Variants in RIMS2 observed in about 807,000 individuals in gnomAD.
The protein encoded by RIMS2 is regulating synaptic membrane exocytosis 2, also known as regulating synaptic membrane exocytosis protein 2.
Under a neutral mutation model 174.4 loss-of-function variants are expected in RIMS2, and 59 were observed. The observed-to-expected ratio is 0.34, with a 90% CI of 0.27 to 0.42. The LOEUF (loss-of-function observed/expected upper bound fraction) is 0.42. Among genes scored for constraint, RIMS2 ranks in the 10% least tolerant of loss-of-function variants. The pLI is 1.00. For missense variants in RIMS2, 1,620 were observed against 1,666.3 expected, an observed-to-expected ratio of 0.97 and a Z score of 0.48; for synonymous variants, 606 against 572.5, an observed-to-expected ratio of 1.06 and a Z score of -0.84.
chr8:104,212,295 T>C (rs1260497753), intron 19 of RIMS2, among the ~76,000 whole-genome samples: 3 of 152,020 alleles, frequency 2.0e-5, no homozygotes, highest in African/African-American at 7.3e-5. Context: ...AAGTTGAACA[T>C]GAAGGATATG....
intron 19 of RIMS2, among the ~76,000 whole-genome samples, chr8:104,210,353 A>C (rs2099099850): frequency 6.6e-6 from 1 of 152,206 alleles, no homozygotes; most frequent in Non-Finnish European, 1.5e-5. Context: ...CATCACTGAA[A>C]ATTGTTCAAG....
chr8:103,781,302 T>C (rs1002307125), intron 3 of RIMS2, among the ~76,000 whole-genome samples: 1 of 152,198 alleles, frequency 6.6e-6, no homozygotes, highest in African/African-American at 2.4e-5. Context: ...TTTGTGGCCC[T>C]GAGAACTGTC....
At chr8:103,712,244 T>G (rs1206691570) in intron 2 of RIMS2, among the ~76,000 whole-genome samples, 1 of 150,524 alleles carries the variant, frequency 6.6e-6, no homozygotes, top group African/African-American at 2.5e-5. Context: ...ACCCCTGGGC[T>G]CGAACAGTCC....
chr8:104,180,364 T>G (rs1022274986), intron 19 of RIMS2, among the ~76,000 whole-genome samples: 5 of 151,246 alleles, frequency 3.3e-5, no homozygotes, highest in Non-Finnish European at 7.4e-5. Context: ...TAGTGAGGTT[T>G]TTTTTTTTTT....
chr8:103,549,452 C>G (rs761251250), intron 1 of RIMS2, among the ~76,000 whole-genome samples: 3 of 152,136 alleles, frequency 2.0e-5, no homozygotes, highest in Admixed American at 6.6e-5. Flanking sequence ...GCCTACCTTA[C>G]AAGAGCTCCT....
At chr8:103,975,494 C>G in exon 16 of RIMS2, 1 of 1,612,640 alleles carries the variant, frequency 6.2e-7, no homozygotes, top group Non-Finnish European at 8.5e-7. Flanking sequence ...CCCAGTGTCC[C>G]TCCTCCACAA....
chr8:104,184,716 A>G (rs1156828554), intron 19 of RIMS2, among the ~76,000 whole-genome samples: 1 of 151,552 alleles, frequency 6.6e-6, no homozygotes, highest in Non-Finnish European at 1.5e-5. Context: ...AAAAAGATAC[A>G]GTAAAAAAAT....
intron 1 of RIMS2, among the ~76,000 whole-genome samples, chr8:103,589,144 T>C (rs2094125139): frequency 6.6e-6 from 1 of 151,658 alleles, no homozygotes; most frequent in African/African-American, 2.4e-5. Flanking sequence ...AATCTTATAT[T>C]TGGAAAAACC....
chr8:103,718,349 T>C (rs2097400187), intron 2 of RIMS2, among the ~76,000 whole-genome samples: 3 of 152,228 alleles, frequency 2.0e-5, no homozygotes, highest in Admixed American at 2.0e-4. Context: ...TTCATACTTC[T>C]GAATGAGAGT....
In RIMS2 at chr8:103,582,789, A is replaced by T. The variant is rs537239830; in HGVS notation, c.176+81727A>T. Among the ~76,000 whole-genome samples the T allele has an allele frequency of 8.5e-5, 13 of 152,256 alleles. No individual in the cohort carries two copies. The East Asian group carries it at 2.5e-3, about 29-fold the overall frequency. On this transcript the variant is annotated intron_variant, in intron 1 of 23. Transcript: ENST00000504942. ...CATAATAAAATAGAACACCAGGTAG[A>T]CTTCTAAGGTTTTTGACTCTAGTCC...
chr8:104,079,704 A>G (rs1010502766), intron 19 of RIMS2, among the ~76,000 whole-genome samples: 4 of 146,992 alleles, frequency 2.7e-5, no homozygotes, highest in African/African-American at 7.5e-5. Flanking sequence ...TGAACCAACC[A>G]TGGCATTACC....
At chr8:103,652,385 T>C (rs1357297282) in intron 1 of RIMS2, 148 bp downstream of exon 2, 1 of 480,712 alleles carries the variant, frequency 2.1e-6, no homozygotes, top group Admixed American at 2.9e-5. Flanking sequence ...GAGAGCTGCT[T>C]GCAGCTTCTT....
chr8:104,127,838 A>G (rs557034188), intron 19 of RIMS2, among the ~76,000 whole-genome samples: 3 of 152,320 alleles, frequency 2.0e-5, no homozygotes, highest in East Asian at 3.9e-4. Flanking sequence ...CTAATTTAAC[A>G]TTACTGGGAA....
At chr8:104,072,112 G>A (rs1171383395) in intron 19 of RIMS2, among the ~76,000 whole-genome samples, 1 of 152,072 alleles carries the variant, frequency 6.6e-6, no homozygotes, top group Non-Finnish European at 1.5e-5. Flanking sequence ...CCACAACAAA[G>A]CATTTCTTGA....
At chr8:103,944,582 G>A (rs1221576388) in intron 14 of RIMS2, among the ~76,000 whole-genome samples, 1 of 152,010 alleles carries the variant, frequency 6.6e-6, no homozygotes, top group Non-Finnish European at 1.5e-5. Flanking sequence ...ACTACTTAGG[G>A]ATAGTGGATA....
chr8:103,937,097 C>CAA (rs34266462), intron 13 of RIMS2, among the ~76,000 whole-genome samples: 10 of 135,700 alleles, frequency 7.4e-5, no homozygotes, highest in South Asian at 2.3e-4. Context: ...GACTCTGTCT[C>CAA]AAAAAAAAAA....
chr8:104,250,949 G>C lies in RIMS2; in HGVS notation c.3692-75G>C, dbSNP rs1321091760. The C allele has an allele frequency of 5.3e-6, 7 of 1,308,472 alleles. No individual in the cohort carries two copies. The East Asian group carries it at 1.6e-4, about 30-fold the overall frequency. 81.1% of individuals were successfully genotyped at this position (1,308,472 alleles called of 1,614,324 possible). ...CTTTCAGCCAAAGATTACTAAACTGGTAAATGTCACCGTGCGTCGGCCATT... is the reference window on the plus strand; with the variant it reads ...CTTTCAGCCAAAGATTACTAAACTGCTAAATGTCACCGTGCGTCGGCCATT... On this transcript the variant is annotated intron_variant, in intron 22 of 23. Coordinates refer to ENST00000504942, the Ensembl canonical transcript of RIMS2.
intron 6 of RIMS2, among the ~76,000 whole-genome samples, chr8:103,913,920 C>G (rs566768070): frequency 1.3e-5 from 2 of 152,102 alleles, no homozygotes; most frequent in Non-Finnish European, 2.9e-5. Context: ...ATGAGATTTG[C>G]GCAGGGACAA....
intron 1 of RIMS2, among the ~76,000 whole-genome samples, chr8:103,650,694 C>T (rs1421355992): frequency 6.6e-6 from 1 of 152,234 alleles, no homozygotes; most frequent in Non-Finnish European, 1.5e-5. Context: ...CATGATCTGT[C>T]AAGGCAGCTA....
Sources: gnomAD v4.1 joint callset for allele counts (sites outside exome capture counted in the v4.1 genomes callset) on GRCh38, gnomAD v4.1.1 for gene constraint, MANE v1.5 for transcripts, NCBI Gene and HGNC (gene_info 2026-07-23, HGNC 2026-07-21) for gene names.